Variants in CTNND2 observed in about 807,000 individuals in gnomAD.
CTNND2 encodes catenin delta 2, also known as catenin delta-2.
Under a neutral mutation model 144.4 loss-of-function variants are expected in CTNND2, and 22 were observed. That is an observed-to-expected ratio of 0.15 (90% CI 0.11 to 0.22). CTNND2 has a LOEUF of 0.22. CTNND2 is among the 10% of genes least tolerant of loss of function. CTNND2 has a pLI of 1.00. For missense variants in CTNND2, 1,353 were observed against 1,618.8 expected, an observed-to-expected ratio of 0.84 and a Z score of 2.82; for synonymous variants, 751 against 695.6, an observed-to-expected ratio of 1.08 and a Z score of -1.25.
chr5:11,511,412 A>T (rs1047428771), intron 3 of CTNND2, among the ~76,000 whole-genome samples: 2 of 152,102 alleles, frequency 1.3e-5, no homozygotes, highest in African/African-American at 4.8e-5. Flanking sequence ...AACAAAGAGG[A>T]AGCCAGGGCT....
chr5:11,186,431 T>A (rs1735633692), intron 11 of CTNND2, among the ~76,000 whole-genome samples: 1 of 152,238 alleles, frequency 6.6e-6, no homozygotes, highest in Admixed American at 6.5e-5. Context: ...TGGAAGCGAT[T>A]CCACTTATTT....
intron 2 of CTNND2, chr5:11,589,075 T>C (rs1779066041): frequency 2.0e-6 from 2 of 976,542 alleles, no homozygotes; most frequent in Non-Finnish European, 2.4e-6. Context: ...GTGGTTGCTG[T>C]CTTAAAAGAG....
chr5:11,086,035 G>T (rs1580243605), intron 15 of CTNND2, among the ~76,000 whole-genome samples: 2 of 152,264 alleles, frequency 1.3e-5, no homozygotes, highest in South Asian at 2.1e-4. Context: ...AGTGTGGCAA[G>T]GGGTAGCTGC....
intron 15 of CTNND2, among the ~76,000 whole-genome samples, chr5:11,091,561 T>A (rs570470647): frequency 1.3e-5 from 2 of 152,358 alleles, no homozygotes; most frequent in South Asian, 4.1e-4. Flanking sequence ...TGCTGAATAT[T>A]TTTGTATTCC....
At chr5:11,583,351 G>A (rs2150132565) in intron 2 of CTNND2, among the ~76,000 whole-genome samples, 1 of 152,302 alleles carries the variant, frequency 6.6e-6, no homozygotes, top group Admixed American at 6.5e-5. Flanking sequence ...TATGCAGTGA[G>A]AGTGGTCTAA....
intron 9 of CTNND2, among the ~76,000 whole-genome samples, chr5:11,343,805 C>T (rs534177260): frequency 3.3e-5 from 5 of 152,072 alleles, no homozygotes; most frequent in Non-Finnish European, 7.4e-5. Context: ...GTGCTATAAA[C>T]ATATGTTTAT....
intron 2 of CTNND2, among the ~76,000 whole-genome samples, chr5:11,599,662 G>A (rs946580247): frequency 2.6e-5 from 4 of 152,108 alleles, no homozygotes; most frequent in South Asian, 4.1e-4. Context: ...TGAGGTCCAC[G>A]TAGATCAAAG....
At chr5:11,069,578 G>A (rs1748001468) in intron 16 of CTNND2, among the ~76,000 whole-genome samples, 1 of 152,010 alleles carries the variant, frequency 6.6e-6, no homozygotes, top group African/African-American at 2.4e-5. Context: ...TACAAGGCCT[G>A]AAAAATATAG....
chr5:11,030,776 AGTTT>A (rs1743376711), intron 16 of CTNND2, among the ~76,000 whole-genome samples: 2 of 57,790 alleles, frequency 3.5e-5, no homozygotes, highest in South Asian at 5.2e-4. Context: ...TTTTTTTTTT[AGTTT>A]GTTTGTTGTT....
chr5:11,420,801 T>C (rs774333122), intron 3 of CTNND2, among the ~76,000 whole-genome samples: 3 of 152,178 alleles, frequency 2.0e-5, no homozygotes, highest in Non-Finnish European at 4.4e-5. Flanking sequence ...TATATCTTCT[T>C]TTTGCTTTAA....
intron 9 of CTNND2, among the ~76,000 whole-genome samples, chr5:11,320,960 T>C (rs755794611): frequency 6.6e-6 from 1 of 152,238 alleles, no homozygotes; most frequent in East Asian, 1.9e-4. Flanking sequence ...TTTTTTGAAT[T>C]TGATAAACAT....
intron 1 of CTNND2, among the ~76,000 whole-genome samples, chr5:11,743,615 A>C (rs1788142677): frequency 6.6e-6 from 1 of 152,200 alleles, no homozygotes; most frequent in Non-Finnish European, 1.5e-5. Context: ...GCATCAGCAG[A>C]CAAAGGCAGG....
In CTNND2 at chr5:11,384,858, C is replaced by A. The variant is rs1758886021; in HGVS notation, c.984G>T (p.Pro328=). ...NIVVSSAGLS[P]IRVTSPPTVQ... is the part of the protein sequence containing the mutation. ...CGGTGGGGGGCGAGGTCACGCGGAT[C>A]GGGGACAGGCCGGCCGAGGACACGA... The change falls in exon 7 of 22, where the codon CCG becomes CCT. Residue 328 remains proline, a synonymous_variant. Transcript: ENST00000304623. This position sits in a 1 kb window ranked among gnomAD's most constrained non-coding sequence, Gnocchi z 5.2. The A allele has an allele frequency of 6.2e-7, 1 of 1,612,574 alleles. No individual in the cohort carries two copies. Among genetic ancestry groups the A allele is most frequent in the African/African-American group, 1.3e-5 (1 of 74,952 alleles).
At chr5:11,368,711 G>C (rs1178484683) in intron 7 of CTNND2, among the ~76,000 whole-genome samples, 1 of 152,160 alleles carries the variant, frequency 6.6e-6, no homozygotes, top group Admixed American at 6.5e-5. Flanking sequence ...GCTGTTTCTT[G>C]TGTCACTTTT....
chr5:11,098,497 C>A (rs1394695609), intron 15 of CTNND2, 78 bp downstream of exon 15: 2 of 1,315,686 alleles, frequency 1.5e-6, no homozygotes, highest in South Asian at 1.5e-5. Context: ...TTGCATTTCT[C>A]AAAACTGGAC....
chr5:11,022,660 A>G, intron 17 of CTNND2, 109 bp downstream of exon 17: 1 of 812,580 alleles, frequency 1.2e-6, no homozygotes, highest in Non-Finnish European at 2.1e-6. Context: ...ATTCTCAGAG[A>G]CAAATGCTTT....
intron 9 of CTNND2, among the ~76,000 whole-genome samples, chr5:11,345,234 G>A (rs1354102002): frequency 6.6e-6 from 1 of 152,188 alleles, no homozygotes; most frequent in Non-Finnish European, 1.5e-5. Context: ...AAAGAGTGCT[G>A]TTGAGACTGA....
chr5:11,686,792 TAC>T (rs1245099819), intron 2 of CTNND2, among the ~76,000 whole-genome samples: 1 of 148,346 alleles, frequency 6.7e-6, no homozygotes, highest in Non-Finnish European at 1.5e-5. Flanking sequence ...ACAAATATAA[TAC>T]ACATAATATA....
intron 3 of CTNND2, among the ~76,000 whole-genome samples, chr5:11,463,683 T>C (rs1766419681): frequency 6.8e-6 from 1 of 146,448 alleles, no homozygotes; most frequent in South Asian, 2.2e-4. Flanking sequence ...GGGTGCTTCA[T>C]TAAAAAAAAA....
Sources: gnomAD v4.1 joint callset for allele counts (sites outside exome capture counted in the v4.1 genomes callset) on GRCh38, gnomAD v4.1.1 for gene constraint, Gnocchi (gnomAD v3.1) non-coding constraint, MANE v1.5 for transcripts, NCBI Gene and HGNC (gene_info 2026-07-23, HGNC 2026-07-21) for gene names.